Variants in ZNF385B observed in about 807,000 individuals in gnomAD.
ZNF385B encodes zinc finger protein 533.
A neutral mutation model predicts 39.2 loss-of-function variants in ZNF385B; 23 were observed. The ratio of observed to expected loss-of-function variants is 0.59; its 90% confidence interval spans 0.42 to 0.83. The LOEUF (loss-of-function observed/expected upper bound fraction) is 0.83, where lower values mean the gene tolerates loss of function less well. ZNF385B is among the 40% of genes least tolerant of loss of function. The pLI, the probability that ZNF385B is intolerant of heterozygous loss-of-function variation, is 0.00. For synonymous variants in ZNF385B, 205 were observed against 222.6 expected (o/e 0.92, Z 0.70); for missense variants, 552 against 598.9 (o/e 0.92, Z 0.82).
intron 3 of ZNF385B, among the ~76,000 whole-genome samples, chr2:179,651,355 A>G (rs10201348): frequency 0.22 from 33,045 of 152,074 alleles, 5,116 homozygotes; most frequent in African/African-American, 0.44. Context: ...AAAGTTGATC[A>G]ACAAACACTA....
intron 4 of ZNF385B, among the ~76,000 whole-genome samples, chr2:179,543,286 A>G (rs187534920): frequency 6.6e-6 from 1 of 152,290 alleles, no homozygotes; most frequent in East Asian, 1.9e-4. Flanking sequence ...ATAAATAAAT[A>G]AAATAAAAAG....
chr2:179,471,098 T>G (rs1489940702), intron 6 of ZNF385B, among the ~76,000 whole-genome samples: 1 of 152,122 alleles, frequency 6.6e-6, no homozygotes, highest in Non-Finnish European at 1.5e-5. Context: ...GGCTTAGGGG[T>G]TTGTTATCAT....
intron 3 of ZNF385B, among the ~76,000 whole-genome samples, chr2:179,695,802 C>T (rs568915940): frequency 7.7e-4 from 117 of 152,262 alleles, no homozygotes; most frequent in African/African-American, 2.7e-3. Context: ...TTGTTTACAG[C>T]GGCATTGTTC....
intron 3 of ZNF385B, among the ~76,000 whole-genome samples, chr2:179,757,602 G>C (rs1222849420): frequency 6.6e-6 from 1 of 152,162 alleles, no homozygotes; most frequent in Non-Finnish European, 1.5e-5. Context: ...AACTGCAGCG[G>C]GCTCCACCCA....
chr2:179,657,497 T>A (rs1275749974), intron 3 of ZNF385B, among the ~76,000 whole-genome samples: 2 of 152,242 alleles, frequency 1.3e-5, no homozygotes, highest in African/African-American at 4.8e-5. Flanking sequence ...TATAACTTTT[T>A]ACTCCTCCAG....
At chr2:179,476,212 C>A (rs917203895) in intron 6 of ZNF385B, among the ~76,000 whole-genome samples, 44 of 152,048 alleles carry the variant, frequency 2.9e-4, no homozygotes, top group African/African-American at 1.0e-3. Context: ...TAAGTAATAA[C>A]CTTTGTTGAA....
At chr2:179,659,375 T>C (rs1279586940) in intron 3 of ZNF385B, among the ~76,000 whole-genome samples, 3 of 152,204 alleles carry the variant, frequency 2.0e-5, no homozygotes, top group African/African-American at 7.2e-5. Context: ...ATTTTATCAA[T>C]GAAGCATTTT....
chr2:179,476,897 C>G (rs2105556922), intron 6 of ZNF385B, among the ~76,000 whole-genome samples: 1 of 152,226 alleles, frequency 6.6e-6, no homozygotes, highest in East Asian at 1.9e-4. Flanking sequence ...TATTGTTAAT[C>G]TATTATTTTA....
intron 1 of ZNF385B, among the ~76,000 whole-genome samples, chr2:179,845,212 G>A (rs151109769): frequency 1.3e-5 from 2 of 152,182 alleles, no homozygotes; most frequent in African/African-American, 4.8e-5. Context: ...ATTCCTACAG[G>A]TTTACTTAAA....
At chr2:179,515,151 TG>T (rs1455078695) in intron 5 of ZNF385B, among the ~76,000 whole-genome samples, 6 of 152,212 alleles carry the variant, frequency 3.9e-5, no homozygotes, top group African/African-American at 9.7e-5. Context: ...GATTCATAAT[TG>T]TCCCTAAACC....
At chr2:179,635,646 AG>A (rs1425734676) in intron 3 of ZNF385B, among the ~76,000 whole-genome samples, 2 of 152,204 alleles carry the variant, frequency 1.3e-5, no homozygotes, top group African/African-American at 4.8e-5. Flanking sequence ...AATATAAAAA[AG>A]CTAGAAATAT....
chr2:179,792,375 CTTTTT>C (rs374147864), intron 1 of ZNF385B, among the ~76,000 whole-genome samples: 6 of 124,126 alleles, frequency 4.8e-5, no homozygotes, highest in African/African-American at 1.9e-4. Flanking sequence ...ATTTTCTTTT[CTTTTT>C]TTTTTTTTTT....
At chr2:179,736,181 G>C (rs952280967) in intron 3 of ZNF385B, among the ~76,000 whole-genome samples, 2 of 152,012 alleles carry the variant, frequency 1.3e-5, no homozygotes, top group African/African-American at 4.8e-5. Context: ...TTAGGTGAAG[G>C]ACTATTTTTA....
At chr2:179,514,369 G>A (rs992570262) in intron 5 of ZNF385B, 3 of 152,168 alleles carry the variant, frequency 2.0e-5, no homozygotes, top group African/African-American at 7.2e-5. Context: ...GATGATCCAG[G>A]ACAATCCTTT....
intron 1 of ZNF385B, among the ~76,000 whole-genome samples, chr2:179,779,337 G>C (rs976947734): frequency 6.6e-6 from 1 of 152,350 alleles, no homozygotes; most frequent in South Asian, 2.1e-4. Flanking sequence ...AAGCAGCCCA[G>C]TTCATCTAGA....
intron 4 of ZNF385B, among the ~76,000 whole-genome samples, chr2:179,522,641 C>T (rs2058585245): frequency 6.6e-6 from 1 of 151,926 alleles, no homozygotes; most frequent in African/African-American, 2.4e-5. Context: ...TATAGACATT[C>T]GATTGTTAAA....
chr2:179,785,313 T>C (rs945392377), intron 1 of ZNF385B, among the ~76,000 whole-genome samples: 3 of 152,156 alleles, frequency 2.0e-5, no homozygotes, highest in Admixed American at 1.3e-4. Context: ...CATTGATCTA[T>C]ACATTTACAA....
At chr2:179,685,129 T>C (rs1012667990) in intron 3 of ZNF385B, among the ~76,000 whole-genome samples, 1 of 152,222 alleles carries the variant, frequency 6.6e-6, no homozygotes, top group Non-Finnish European at 1.5e-5. Flanking sequence ...TCATCAACTA[T>C]GAACTTGGGA....
chr2:179,696,832 A>T (rs1698803034), intron 3 of ZNF385B, among the ~76,000 whole-genome samples: 2 of 152,116 alleles, frequency 1.3e-5, no homozygotes, highest in African/African-American at 4.8e-5. Context: ...GCTTAGTATG[A>T]CTCTTATGTT....
Sources: allele counts gnomAD v4.1 joint callset (sites outside exome capture counted in the v4.1 genomes callset), GRCh38; gene constraint gnomAD v4.1.1; transcripts MANE v1.5; gene names NCBI Gene and HGNC (gene_info 2026-07-23, HGNC 2026-07-21).